CNTN5: variants seen among roughly 807,000 people sequenced by gnomAD.
CNTN5 encodes contactin-5.
In CNTN5, 77 loss-of-function variants were observed where a neutral mutation model predicts 129.1. That is an observed-to-expected ratio of 0.60 (90% CI 0.50 to 0.72). CNTN5 has a LOEUF of 0.72. Ranked by LOEUF, CNTN5 falls within the 30% of genes least tolerant of loss-of-function variation. CNTN5 has a pLI of 0.00. For missense variants in CNTN5, 1,478 were observed against 1,328.8 expected, an observed-to-expected ratio of 1.11 and a Z score of -1.75; for synonymous variants, 509 against 465.6, an observed-to-expected ratio of 1.09 and a Z score of -1.20.
intron 9 of CNTN5, among the ~76,000 whole-genome samples, chr11:100,004,876 T>C (rs1318778188): frequency 6.6e-6 from 1 of 152,208 alleles, no homozygotes; most frequent in Non-Finnish European, 1.5e-5. Flanking sequence ...AGGAAATTTA[T>C]ATCCTGACTT....
At chr11:99,658,385 G>A (rs1029881523) in intron 3 of CNTN5, among the ~76,000 whole-genome samples, 9 of 152,116 alleles carry the variant, frequency 5.9e-5, no homozygotes, top group South Asian at 4.1e-4. Flanking sequence ...GAAATGCTTC[G>A]TGTAGGCTGT....
intron 3 of CNTN5, among the ~76,000 whole-genome samples, chr11:99,794,192 T>C (rs2135450075): frequency 6.6e-6 from 1 of 152,214 alleles, no homozygotes; most frequent in South Asian, 2.1e-4. Context: ...TTTTTTTTTT[T>C]TTTAATCTTC....
intron 2 of CNTN5, among the ~76,000 whole-genome samples, chr11:99,453,436 A>G (rs925607375): frequency 1.3e-5 from 2 of 152,234 alleles, no homozygotes; most frequent in Non-Finnish European, 2.9e-5. Flanking sequence ...TCATTACCAG[A>G]TGAATATTTG....
chr11:100,324,954 A>C (rs1951761512), intron 21 of CNTN5, among the ~76,000 whole-genome samples: 1 of 152,198 alleles, frequency 6.6e-6, no homozygotes, highest in African/African-American at 2.4e-5. Context: ...ATATGCATGC[A>C]ATTTAATAAT....
intron 10 of CNTN5, among the ~76,000 whole-genome samples, chr11:100,064,511 A>T (rs1943616719): frequency 6.6e-6 from 1 of 152,166 alleles, no homozygotes; most frequent in Non-Finnish European, 1.5e-5. Flanking sequence ...CTTAAAAGTA[A>T]TACTCATAAA....
chr11:100,106,929 G>A (rs570258761), intron 13 of CNTN5, among the ~76,000 whole-genome samples: 1 of 152,076 alleles, frequency 6.6e-6, no homozygotes, highest in East Asian at 1.9e-4. Flanking sequence ...ACTTTCAAGG[G>A]AGTTCTTGAA....
At chr11:99,576,393 C>T (rs1378028505) in intron 3 of CNTN5, among the ~76,000 whole-genome samples, 1 of 152,134 alleles carries the variant, frequency 6.6e-6, no homozygotes, top group East Asian at 1.9e-4. Flanking sequence ...GTGTTTTAGT[C>T]CCTATTATAA....
chr11:99,705,589 G>C (rs996283384), intron 3 of CNTN5, among the ~76,000 whole-genome samples: 2 of 151,270 alleles, frequency 1.3e-5, no homozygotes, highest in Non-Finnish European at 3.0e-5. Flanking sequence ...AGGTTTGCTT[G>C]TTCTAGAGCA....
chr11:100,316,336 A>C (rs1418745119), intron 21 of CNTN5, among the ~76,000 whole-genome samples: 1 of 152,168 alleles, frequency 6.6e-6, no homozygotes, highest in Admixed American at 6.5e-5. Context: ...GGGCAATGGG[A>C]ATGTACATAT....
intron 1 of CNTN5, among the ~76,000 whole-genome samples, chr11:99,222,403 A>C (rs1433442389): frequency 6.6e-6 from 1 of 151,956 alleles, no homozygotes; most frequent in Non-Finnish European, 1.5e-5. Context: ...CCAAGAGAAA[A>C]AAATGTAATA....
chr11:99,565,198 T>A (rs1328080912), intron 3 of CNTN5, among the ~76,000 whole-genome samples: 1 of 152,124 alleles, frequency 6.6e-6, no homozygotes, highest in Non-Finnish European at 1.5e-5. Context: ...AGCCGCCTCA[T>A]AACCAAGGAC....
intron 17 of CNTN5, among the ~76,000 whole-genome samples, chr11:100,257,054 A>T (rs1350511103): frequency 1.3e-5 from 2 of 152,040 alleles, no homozygotes; most frequent in African/African-American, 4.8e-5. Flanking sequence ...GATTCACGAA[A>T]TTCTCAACAG....
chr11:99,950,664 A>G (rs943964580), intron 7 of CNTN5, among the ~76,000 whole-genome samples: 1 of 152,198 alleles, frequency 6.6e-6, no homozygotes, highest in African/African-American at 2.4e-5. Flanking sequence ...ATATTCTACA[A>G]AATTGTGCTT....
chr11:99,843,896 A>C (rs146617585), intron 4 of CNTN5, among the ~76,000 whole-genome samples: 1 of 152,194 alleles, frequency 6.6e-6, no homozygotes. Flanking sequence ...ACAATTCACT[A>C]TGCTATAGAT....
At chr11:99,965,422 G>T (rs1175503775) in intron 8 of CNTN5, among the ~76,000 whole-genome samples, 2 of 152,090 alleles carry the variant, frequency 1.3e-5, no homozygotes, top group African/African-American at 2.4e-5. Flanking sequence ...TATGTACCCA[G>T]TAGTCATTCA....
intron 1 of CNTN5, among the ~76,000 whole-genome samples, chr11:99,127,066 C>T (rs1039021501): frequency 6.6e-6 from 1 of 152,056 alleles, no homozygotes; most frequent in Non-Finnish European, 1.5e-5. Context: ...TCCAACTTAC[C>T]TCTACAGCTT....
intron 18 of CNTN5, among the ~76,000 whole-genome samples, chr11:100,276,347 C>T (rs1228938548): frequency 6.6e-6 from 1 of 151,904 alleles, no homozygotes; most frequent in Non-Finnish European, 1.5e-5. Flanking sequence ...CAAGACCAGC[C>T]TGGCCAACAT....
At chr11:99,343,476 C>A (rs1346449073) in intron 2 of CNTN5, among the ~76,000 whole-genome samples, 3 of 152,154 alleles carry the variant, frequency 2.0e-5, no homozygotes, top group African/African-American at 7.2e-5. Flanking sequence ...AAGGTCACTT[C>A]TGACACTAAG....
intron 18 of CNTN5, among the ~76,000 whole-genome samples, chr11:100,277,397 A>C (rs1473526329): frequency 6.6e-6 from 1 of 152,158 alleles, no homozygotes; most frequent in Non-Finnish European, 1.5e-5. Flanking sequence ...AGAAACCTCC[A>C]AACTGTTCTC....
Sources: allele counts gnomAD v4.1 joint callset (sites outside exome capture counted in the v4.1 genomes callset), GRCh38; gene constraint gnomAD v4.1.1; transcripts MANE v1.5; gene names NCBI Gene and HGNC (gene_info 2026-07-23, HGNC 2026-07-21).